RYR2: variants seen among roughly 807,000 people sequenced by gnomAD.
RYR2 encodes the protein cardiac muscle ryanodine receptor-calcium release channel.
A neutral mutation model predicts 601.1 loss-of-function variants in RYR2; 227 were observed. The observed-to-expected ratio is 0.38, with a 90% CI of 0.34 to 0.42. The LOEUF (loss-of-function observed/expected upper bound fraction) is 0.42, where lower values mean the gene tolerates loss of function less well. Ranked by LOEUF, RYR2 falls within the 10% of genes least tolerant of loss-of-function variation. The pLI is 1.00. For synonymous variants in RYR2, 2,223 were observed against 2,175.1 expected, an observed-to-expected ratio of 1.02 and a Z score of -0.61; for missense variants, 4,646 against 6,156.5, an observed-to-expected ratio of 0.75 and a Z score of 8.21.
intron 12 of RYR2, among the ~76,000 whole-genome samples, chr1:237,437,191 C>A (rs1270934948): frequency 6.6e-6 from 1 of 151,710 alleles, no homozygotes; most frequent in Admixed American, 6.6e-5. Context: ...ACTACAGGCA[C>A]CCGCCACCAC....
intron 28 of RYR2, 39 bp from the exon 29 acceptor site, chr1:237,569,106 C>A (rs1257096622): frequency 3.8e-6 from 6 of 1,578,752 alleles, no homozygotes; most frequent in Non-Finnish European, 5.2e-6. Context: ...ATTTTCCTGG[C>A]TTAGTCTGTG....
chr1:237,120,468 T>C (rs896520380), intron 1 of RYR2, among the ~76,000 whole-genome samples: 9 of 152,110 alleles, frequency 5.9e-5, no homozygotes, highest in Non-Finnish European at 1.0e-4. Context: ...TGGGAAGTAT[T>C]TAATAGGGGC....
intron 27 of RYR2, among the ~76,000 whole-genome samples, chr1:237,553,227 AAAGT>A (rs1670579438): frequency 6.6e-6 from 1 of 152,054 alleles, no homozygotes; most frequent in Admixed American, 6.5e-5. Context: ...TGTGTGATCT[AAAGT>A]GAGTTAGCTT....
At chr1:237,156,418 T>C (rs1218555404) in intron 1 of RYR2, among the ~76,000 whole-genome samples, 1 of 152,222 alleles carries the variant, frequency 6.6e-6, no homozygotes, top group Non-Finnish European at 1.5e-5. Context: ...GGTTTTACAA[T>C]GCATATTAGT....
At chr1:237,569,360 A>G in intron 29 of RYR2, 41 bp downstream of exon 29, 2 of 1,584,808 alleles carry the variant, frequency 1.3e-6, no homozygotes, top group South Asian at 1.1e-5. Context: ...AGTTTGCAGC[A>G]CAAGGAAGCT....
chr1:237,608,803 T>TTG (rs1553520314), intron 35 of RYR2, among the ~76,000 whole-genome samples: 5 of 123,628 alleles, frequency 4.0e-5, no homozygotes, highest in Non-Finnish European at 1.6e-5. Flanking sequence ...CCTGTTTTTT[T>TTG]TTTTTTTTTT....
intron 34 of RYR2, among the ~76,000 whole-genome samples, chr1:237,598,546 A>G (rs528529217): frequency 1.3e-5 from 2 of 152,332 alleles, no homozygotes; most frequent in African/African-American, 4.8e-5. Flanking sequence ...ATTAAACAAC[A>G]TACCCCTGAA....
intron 41 of RYR2, among the ~76,000 whole-genome samples, chr1:237,629,859 G>A (rs114274704): frequency 5.3e-5 from 8 of 152,004 alleles, no homozygotes; most frequent in Admixed American, 1.3e-4. Context: ...TGGATGAAAG[G>A]TTCTATTAAA....
chr1:237,429,317 A>G (rs1706540087), intron 12 of RYR2, among the ~76,000 whole-genome samples: 1 of 152,158 alleles, frequency 6.6e-6, no homozygotes, highest in Admixed American at 6.5e-5. Flanking sequence ...CGGGCTAGGA[A>G]CACAGAAGAA....
At position 237,723,245 on chromosome 1, in the gene RYR2, CT is replaced by C; in HGVS notation, c.10677del (p.His3560IlefsTer41). The C allele has an allele frequency of 6.2e-7, 1 of 1,611,486 alleles. No homozygotes were observed. Among genetic ancestry groups the C allele is most frequent in the Non-Finnish European group, 8.5e-7 (1 of 1,178,120 alleles). On this transcript the variant is annotated frameshift_variant, in exon 74 of 105. Transcript: ENST00000366574. LOFTEE classifies it high-confidence loss of function. ...AAGAGTATTGGATATAGCAAATGTG[CT>C]TTTTCATCTTGAACAGGTCAGGCTT... is the stretch of plus-strand genomic sequence containing the variant. ...VERVLDIANV[L>X]FHLEQKSKRV...
intron 1 of RYR2, among the ~76,000 whole-genome samples, chr1:237,081,594 T>G (rs1486228460): frequency 1.3e-5 from 2 of 151,970 alleles, no homozygotes; most frequent in Non-Finnish European, 2.9e-5. Flanking sequence ...CAGATATGTG[T>G]TACATATATG....
At chr1:237,617,521 G>A (rs765744726) in intron 38 of RYR2, 35 bp downstream of exon 38, 2 of 1,599,170 alleles carry the variant, frequency 1.3e-6, no homozygotes, top group East Asian at 4.5e-5. Context: ...TCGTATTTAT[G>A]TTGGCTTTTA....
intron 2 of RYR2, among the ~76,000 whole-genome samples, chr1:237,290,930 G>A (rs1331482606): frequency 6.6e-6 from 1 of 152,152 alleles, no homozygotes; most frequent in Non-Finnish European, 1.5e-5. Flanking sequence ...ACAAATTAAA[G>A]CTGCATTCAA....
intron 12 of RYR2, among the ~76,000 whole-genome samples, chr1:237,429,396 C>CT (rs1275451397): frequency 6.6e-6 from 1 of 152,090 alleles, no homozygotes; most frequent in African/African-American, 2.4e-5. Flanking sequence ...TATAACTGGG[C>CT]TGTAGCTTTC....
intron 2 of RYR2, among the ~76,000 whole-genome samples, chr1:237,270,967 T>C (rs1214795977): frequency 6.6e-6 from 1 of 152,222 alleles, no homozygotes; most frequent in Non-Finnish European, 1.5e-5. Flanking sequence ...AGGCTCATTG[T>C]ATTTTTTTAT....
At chr1:237,062,782 C>CAA (rs1663044705) in intron 1 of RYR2, among the ~76,000 whole-genome samples, 1 of 152,162 alleles carries the variant, frequency 6.6e-6, no homozygotes, top group Admixed American at 6.5e-5. Flanking sequence ...TCCTTTCCCT[C>CAA]AGTTTCAGGG....
At chr1:237,523,768 C>G (rs1251354198) in intron 24 of RYR2, among the ~76,000 whole-genome samples, 2 of 149,540 alleles carry the variant, frequency 1.3e-5, no homozygotes, top group African/African-American at 4.9e-5. Flanking sequence ...TGGCAAAATA[C>G]TTTACCAAAG....
chr1:237,135,701 A>G (rs1413617964), intron 1 of RYR2, among the ~76,000 whole-genome samples: 1 of 152,034 alleles, frequency 6.6e-6, no homozygotes, highest in Non-Finnish European at 1.5e-5. Context: ...AACTGTGTGT[A>G]TTTTACAATG....
At position 237,045,869 on chromosome 1, in the gene RYR2, G is replaced by GTTTTT. The variant is rs768636054; in HGVS notation, c.48+3322_48+3326dup. The stretch of plus-strand genomic sequence containing the variant: ...ATGGTATAAAATGACCTTGGTCAAG[G>GTTTTT]TTTTTTTTTTTTTTTTTTTTTTTTT... On this transcript the variant is annotated intron_variant, in intron 1 of 104. Transcript: ENST00000366574. 1.5e-3 allele frequency among the ~76,000 whole-genome samples: 86 copies of GTTTTT among 56,942 alleles called. 1 individual carries two copies. The highest frequency in any genetic ancestry group is 6.9e-3 in the African/African-American group (81 of 11,774). 37.4% of individuals were successfully genotyped at this position (56,942 alleles called of 152,430 possible).
Sources: allele counts gnomAD v4.1 joint callset (sites outside exome capture counted in the v4.1 genomes callset), GRCh38; gene constraint gnomAD v4.1.1; transcripts MANE v1.5; gene names NCBI Gene and HGNC (gene_info 2026-07-23, HGNC 2026-07-21).